The following CREB5 variants were observed in gnomAD, a reference collection of about 807,000 sequenced individuals.
The protein encoded by CREB5 is cAMP responsive element binding protein 5.
CREB5 carries 19 observed loss-of-function variants against 57.1 expected under a neutral mutation model. That is an observed-to-expected ratio of 0.33 (90% CI 0.23 to 0.49). The LOEUF (loss-of-function observed/expected upper bound fraction) is 0.49, where lower values mean the gene tolerates loss of function less well. Among genes scored for constraint, CREB5 ranks in the 20% least tolerant of loss-of-function variants. CREB5 has a pLI of 0.99. For missense variants in CREB5, 579 were observed against 671.6 expected, an observed-to-expected ratio of 0.86 and a Z score of 1.52; for synonymous variants, 238 against 238.3, an observed-to-expected ratio of 1.00 and a Z score of 0.01.
intron 7 of CREB5, among the ~76,000 whole-genome samples, chr7:28,781,685 G>T (rs1369244597): frequency 6.6e-6 from 1 of 152,042 alleles, no homozygotes; most frequent in Non-Finnish European, 1.5e-5. Context: ...AAATCAAGAG[G>T]CTGGACAAGA....
At chr7:28,416,420 C>G (rs975139374) in intron 1 of CREB5, among the ~76,000 whole-genome samples, 1 of 152,216 alleles carries the variant, frequency 6.6e-6, no homozygotes, top group African/African-American at 2.4e-5. Context: ...TTTGCCAGAT[C>G]TGGTAGGACC....
chr7:28,548,847 T>C (rs185979376), intron 4 of CREB5, among the ~76,000 whole-genome samples: 269 of 152,358 alleles, frequency 1.8e-3, no homozygotes, highest in African/African-American at 6.3e-3. Context: ...GTTCCAGACA[T>C]CCTCAGTATT....
At chr7:28,586,477 GC>G (rs1420620395) in intron 5 of CREB5, among the ~76,000 whole-genome samples, 1 of 152,214 alleles carries the variant, frequency 6.6e-6, no homozygotes, top group African/African-American at 2.4e-5. Flanking sequence ...CCTCTGGACA[GC>G]CCCCTTCCCT....
chr7:28,688,642 A>G (rs1801075334), intron 5 of CREB5, among the ~76,000 whole-genome samples: 1 of 152,152 alleles, frequency 6.6e-6, no homozygotes. Flanking sequence ...GTATATATTT[A>G]TGTATCCGGG....
chr7:28,357,363 C>T (rs946349600), intron 1 of CREB5, among the ~76,000 whole-genome samples: 9 of 152,076 alleles, frequency 5.9e-5, no homozygotes, highest in African/African-American at 1.4e-4. Flanking sequence ...TGCAAGCAGA[C>T]GTCTTTACTG....
chr7:28,432,362 T>C (rs1788754526), intron 1 of CREB5, among the ~76,000 whole-genome samples: 1 of 152,166 alleles, frequency 6.6e-6, no homozygotes, highest in African/African-American at 2.4e-5. Flanking sequence ...CAAGCAGCAA[T>C]CATTTTTCGG....
At chr7:28,758,721 TTTTAC>T (rs1805478539) in intron 7 of CREB5, among the ~76,000 whole-genome samples, 1 of 152,170 alleles carries the variant, frequency 6.6e-6, no homozygotes, top group Admixed American at 6.5e-5. Flanking sequence ...ACATGAGAGA[TTTTAC>T]TTTAGTTTAT....
Position 28,824,492 on chromosome 7 carries a change from A to G in CREB5, c.*5213A>G, listed in dbSNP as rs1475291776. 3 of 152,644 alleles carry G rather than the reference A, an allele frequency of 2.0e-5. No individual in the cohort carries two copies. Among genetic ancestry groups the G allele is most frequent in the African/African-American group, 7.2e-5 (3 of 41,458 alleles). 9.5% of individuals were successfully genotyped at this position (152,644 alleles called of 1,614,324 possible). A position where few individuals can be genotyped will look rare whatever the true frequency, so the allele number is the denominator to read the frequency against. The stretch of plus-strand genomic sequence containing the variant: ...CAAAAATACAATGTTGCCTTGTAAC[A>G]TAATTAGGGACAGCACCTCTATTTC... On this transcript the variant is annotated 3_prime_UTR_variant, in exon 11 of 11. Coordinates refer to ENST00000357727, the MANE Select transcript of CREB5 (RefSeq NM_182898.4).
At chr7:28,571,847 C>G (rs160354) in intron 5 of CREB5, among the ~76,000 whole-genome samples, 9 of 152,280 alleles carry the variant, frequency 5.9e-5, no homozygotes, top group Non-Finnish European at 1.2e-4. Context: ...AGCTGTGATA[C>G]AGTTCTGTTG....
chr7:28,769,033 C>CTCAT (rs1318973891), intron 7 of CREB5, among the ~76,000 whole-genome samples: 1 of 152,242 alleles, frequency 6.6e-6, no homozygotes, highest in Non-Finnish European at 1.5e-5. Flanking sequence ...TGAGTGTAAA[C>CTCAT]TCATTCCTCT....
intron 7 of CREB5, among the ~76,000 whole-genome samples, chr7:28,739,358 G>T (rs1372111438): frequency 6.6e-6 from 1 of 152,174 alleles, no homozygotes; most frequent in Admixed American, 6.5e-5. Flanking sequence ...GTTCAGTAGC[G>T]CTGGTCTCAG....
At chr7:28,602,461 C>A (rs896394768) in intron 5 of CREB5, among the ~76,000 whole-genome samples, 2 of 152,124 alleles carry the variant, frequency 1.3e-5, no homozygotes, top group African/African-American at 4.8e-5. Context: ...GAATGGTTAA[C>A]CAAAGTGTGG....
chr7:28,652,448 A>T lies in CREB5; in HGVS notation c.465-66305A>T, dbSNP rs553318550. On this transcript the variant is annotated intron_variant, in intron 5 of 10. Coordinates refer to ENST00000357727, the MANE Select transcript of CREB5 (RefSeq NM_182898.4). Reference sequence around the variant, plus strand: ...ATGAGTATTTATAGAAAGCCAGCATAGATGAAAGAATATGATTATGTGGTC... The same window carrying T: ...ATGAGTATTTATAGAAAGCCAGCATTGATGAAAGAATATGATTATGTGGTC... 2.9e-3 allele frequency among the ~76,000 whole-genome samples: 435 copies of T among 152,230 alleles called. 6 individuals are homozygous for T. The highest frequency in any genetic ancestry group is 2.5e-3 in the Non-Finnish European group (171 of 68,040).
chr7:28,472,894 T>C (rs1225116371), intron 1 of CREB5, among the ~76,000 whole-genome samples: 1 of 152,226 alleles, frequency 6.6e-6, no homozygotes, highest in East Asian at 1.9e-4. Flanking sequence ...TTGTGGACCA[T>C]GCTGCAGCCT....
At chr7:28,326,325 C>A (rs1785605471) in intron 1 of CREB5, among the ~76,000 whole-genome samples, 1 of 152,142 alleles carries the variant, frequency 6.6e-6, no homozygotes, top group Non-Finnish European at 1.5e-5. Flanking sequence ...ATTTTTCTAG[C>A]AGTGAGAATC....
chr7:28,664,418 AT>A (rs897122363), intron 5 of CREB5, among the ~76,000 whole-genome samples: 5 of 152,228 alleles, frequency 3.3e-5, no homozygotes, highest in South Asian at 2.1e-4. Context: ...TGAAAAATAC[AT>A]TTTTTTCCTT....
At chr7:28,796,846 C>G (rs990929396) in intron 7 of CREB5, among the ~76,000 whole-genome samples, 2 of 152,144 alleles carry the variant, frequency 1.3e-5, no homozygotes, top group African/African-American at 4.8e-5. Context: ...GGACCTAGAG[C>G]TGCCTTATGA....
Position 28,607,808 on chromosome 7 carries a change from T to C in CREB5, c.464+37271T>C, listed in dbSNP as rs138317963. 7.2e-4 allele frequency among the ~76,000 whole-genome samples: 106 copies of C among 146,452 alleles called. 5 individuals are homozygous for C. In the East Asian group the frequency reaches 0.021, roughly 29 times the overall value. The stretch of plus-strand genomic sequence containing the variant: ...GTGTGTGTGTGTTTTACCATGTGCA[T>C]ACTTGGAAAGATAGTATTCTAACAA... On this transcript the variant is annotated intron_variant, in intron 5 of 10. Coordinates refer to ENST00000357727, the MANE Select transcript of CREB5 (RefSeq NM_182898.4).
chr7:28,530,844 G>A (rs1488073228), intron 4 of CREB5, among the ~76,000 whole-genome samples: 7 of 152,212 alleles, frequency 4.6e-5, no homozygotes, highest in African/African-American at 1.7e-4. Context: ...GATGATGGAG[G>A]CCAGAGGAAA....
Sources: gnomAD v4.1 joint callset for allele counts (sites outside exome capture counted in the v4.1 genomes callset) on GRCh38, gnomAD v4.1.1 for gene constraint, MANE v1.5 for transcripts, NCBI Gene and HGNC (gene_info 2026-07-23, HGNC 2026-07-21) for gene names.